Variants in TRDN observed in about 807,000 individuals in gnomAD.
The protein encoded by TRDN is triadin in skeletal muscle.
In TRDN, 161 loss-of-function variants were observed where a neutral mutation model predicts 149.7. That is an observed-to-expected ratio of 1.08 (90% CI 0.95 to 1.23). The LOEUF is 1.23. TRDN is among the 50% of genes most tolerant of loss of function. TRDN has a pLI of 0.00. For missense variants in TRDN, 896 were observed against 823.5 expected (o/e 1.09, Z -1.08); for synonymous variants, 294 against 250.5 (o/e 1.17, Z -1.64).
chr6:123,426,496 T>A (rs1181757749), intron 12 of TRDN, among the ~76,000 whole-genome samples: 2 of 152,178 alleles, frequency 1.3e-5, no homozygotes, highest in African/African-American at 4.8e-5. Flanking sequence ...AATGTTAGTG[T>A]CTATACATAT....
intron 14 of TRDN, among the ~76,000 whole-genome samples, chr6:123,383,874 G>A (rs756794847): frequency 9.2e-5 from 14 of 151,918 alleles, no homozygotes; most frequent in Non-Finnish European, 1.9e-4. Context: ...AAAAACTCTT[G>A]ATTTTAAAAA....
At chr6:123,578,223 ATG>A (rs1226006678) in intron 1 of TRDN, among the ~76,000 whole-genome samples, 8 of 152,098 alleles carry the variant, frequency 5.3e-5, no homozygotes, top group Non-Finnish European at 8.8e-5. Context: ...TATGTCCAGG[ATG>A]ATATTGCCTA....
intron 12 of TRDN, among the ~76,000 whole-genome samples, chr6:123,433,578 C>G (rs957500417): frequency 1.3e-5 from 2 of 151,774 alleles, no homozygotes; most frequent in Non-Finnish European, 2.9e-5. Flanking sequence ...TAGCTTATTT[C>G]AGAAAAGCTA....
At chr6:123,625,941 G>A (rs966823470) in intron 1 of TRDN, among the ~76,000 whole-genome samples, 6 of 152,234 alleles carry the variant, frequency 3.9e-5, no homozygotes, top group African/African-American at 1.4e-4. Context: ...TGGCCACATC[G>A]ATGGACTCCA....
intron 13 of TRDN, among the ~76,000 whole-genome samples, chr6:123,390,263 C>T (rs1256512491): frequency 6.6e-6 from 1 of 152,096 alleles, no homozygotes; most frequent in Non-Finnish European, 1.5e-5. Context: ...CTTACAAATT[C>T]TACAGACAAG....
intron 7 of TRDN, among the ~76,000 whole-genome samples, chr6:123,504,382 C>A (rs1005081122): frequency 1.3e-5 from 2 of 151,962 alleles, no homozygotes; most frequent in African/African-American, 4.8e-5. Context: ...CCAACAAAGT[C>A]TTTTTTAAAG....
At chr6:123,460,609 T>C (rs773336974) in intron 10 of TRDN, among the ~76,000 whole-genome samples, 2 of 152,068 alleles carry the variant, frequency 1.3e-5, no homozygotes, top group Non-Finnish European at 1.5e-5. Flanking sequence ...GTTAATGAAA[T>C]AAAAATTGAG....
intron 9 of TRDN, among the ~76,000 whole-genome samples, chr6:123,477,886 A>C (rs1233443068): frequency 7.1e-6 from 1 of 140,340 alleles, no homozygotes; most frequent in Admixed American, 7.4e-5. Flanking sequence ...AGGAAGGGGA[A>C]TATCACACTC....
At chr6:123,350,997 CAAT>C in intron 21 of TRDN, 1 of 984,550 alleles carries the variant, frequency 1.0e-6, no homozygotes, top group South Asian at 4.7e-5. Context: ...AAGAAAGAAA[CAAT>C]GTTTTCAAAT....
At chr6:123,408,155 A>G (rs1773272643) in intron 12 of TRDN, among the ~76,000 whole-genome samples, 2 of 152,184 alleles carry the variant, frequency 1.3e-5, no homozygotes, top group Admixed American at 6.5e-5. Context: ...GAAAATGCTT[A>G]TAGGAGGTCC....
At chr6:123,432,125 G>A (rs1161836849) in intron 12 of TRDN, among the ~76,000 whole-genome samples, 1 of 152,154 alleles carries the variant, frequency 6.6e-6, no homozygotes, top group Non-Finnish European at 1.5e-5. Context: ...CCACAAAGAT[G>A]TTTCAGTGTA....
chr6:123,371,372 A>G (rs1781321786), intron 19 of TRDN, among the ~76,000 whole-genome samples: 1 of 152,076 alleles, frequency 6.6e-6, no homozygotes, highest in Non-Finnish European at 1.5e-5. Context: ...AGTGTGATGT[A>G]TTTTAAGTCT....
At chr6:123,325,633 A>G (rs1042730115) in intron 23 of TRDN, among the ~76,000 whole-genome samples, 7 of 152,132 alleles carry the variant, frequency 4.6e-5, no homozygotes, top group African/African-American at 7.2e-5. Flanking sequence ...GTTTAAACAG[A>G]ATCAGAACAC....
chr6:123,545,071 T>A lies in TRDN; in HGVS notation c.424+2269A>T, dbSNP rs552411478. Among the ~76,000 whole-genome samples, 35 of 152,034 alleles carry A rather than the reference T, an allele frequency of 2.3e-4. No individual in the cohort carries two copies. In the South Asian group the frequency reaches 5.6e-3, roughly 24 times the overall value. On this transcript the variant is annotated intron_variant, in intron 4 of 40. Coordinates refer to ENST00000334268, the MANE Select transcript of TRDN (RefSeq NM_006073.4). ...TCAAATAAAATGTTTTAGGTAGATATAGGGCAGTTGAATAAAAAAATGCTA... is the reference window on the plus strand; with the variant it reads ...TCAAATAAAATGTTTTAGGTAGATAAAGGGCAGTTGAATAAAAAAATGCTA...
At chr6:123,502,933 G>A in intron 8 of TRDN, 1 of 985,190 alleles carries the variant, frequency 1.0e-6, no homozygotes, top group Non-Finnish European at 1.2e-6. Flanking sequence ...TTCAATAAGG[G>A]CCAGAGATGT....
intron 38 of TRDN, among the ~76,000 whole-genome samples, chr6:123,250,601 T>C (rs1387791109): frequency 1.3e-5 from 2 of 152,114 alleles, no homozygotes. Flanking sequence ...AAAACCACCT[T>C]ATTAAACAAT....
intron 24 of TRDN, among the ~76,000 whole-genome samples, chr6:123,310,184 C>A (rs7771345): frequency 0.15 from 22,646 of 151,780 alleles, 1,807 homozygotes; most frequent in South Asian, 0.22. Context: ...ATTTTTAGTG[C>A]AATATCATAA....
intron 1 of TRDN, among the ~76,000 whole-genome samples, chr6:123,598,152 G>A (rs886854223): frequency 2.0e-5 from 3 of 151,986 alleles, no homozygotes; most frequent in Admixed American, 2.0e-4. Flanking sequence ...CTAAAAACTA[G>A]TCATTTTCTG....
intron 7 of TRDN, chr6:123,510,040 CAT>C (rs1475933059): frequency 6.6e-6 from 1 of 152,010 alleles, no homozygotes; most frequent in Non-Finnish European, 1.5e-5. Flanking sequence ...ACATCTATCA[CAT>C]ATGATTTCAT....
Sources: allele counts gnomAD v4.1 joint callset (sites outside exome capture counted in the v4.1 genomes callset), GRCh38; gene constraint gnomAD v4.1.1; transcripts MANE v1.5; gene names NCBI Gene and HGNC (gene_info 2026-07-23, HGNC 2026-07-21).